The following TENM3 variants were observed in gnomAD, a reference collection of about 807,000 sequenced individuals.
TENM3 encodes the protein teneurin-3.
A neutral mutation model predicts 255.1 loss-of-function variants in TENM3; 63 were observed. The observed-to-expected ratio is 0.25, with a 90% CI of 0.20 to 0.30. The LOEUF is 0.30. Ranked by LOEUF, TENM3 falls within the 10% of genes least tolerant of loss-of-function variation. The pLI, the probability that TENM3 is intolerant of heterozygous loss-of-function variation, is 1.00. For synonymous variants in TENM3, 1,306 were observed against 1,322.3 expected, an observed-to-expected ratio of 0.99 and a Z score of 0.27; for missense variants, 2,929 against 3,461.1, an observed-to-expected ratio of 0.85 and a Z score of 3.86.
chr4:182,220,958 A>G (rs1251316827), intron 1 of TENM3, among the ~76,000 whole-genome samples: 2 of 152,214 alleles, frequency 1.3e-5, no homozygotes, highest in Non-Finnish European at 2.9e-5. Flanking sequence ...AGATATCTAC[A>G]TATCTTTTAG....
intron 3 of TENM3, among the ~76,000 whole-genome samples, chr4:182,425,078 G>GAGGA (rs1272772004): frequency 1.3e-5 from 2 of 152,116 alleles, no homozygotes; most frequent in Non-Finnish European, 2.9e-5. Flanking sequence ...TTGCATTTGT[G>GAGGA]ACTGGTATTA....
At chr4:182,764,687 G>T (rs1484944652) in intron 22 of TENM3, among the ~76,000 whole-genome samples, 2 of 152,194 alleles carry the variant, frequency 1.3e-5, no homozygotes, top group Non-Finnish European at 1.5e-5. Flanking sequence ...AGCATCGAAT[G>T]TGTGTGGGGA....
the TENM3 span, among the ~76,000 whole-genome samples, chr4:181,781,826 G>A: frequency 1.3e-5 from 2 of 152,288 alleles, no homozygotes; most frequent in African/African-American, 4.8e-5. Context: ...TTTTTAGCAT[G>A]AAGGGCTGTT....
At chr4:182,677,103 T>A (rs369248524) in intron 7 of TENM3, among the ~76,000 whole-genome samples, 20 of 152,362 alleles carry the variant, frequency 1.3e-4, no homozygotes, top group Admixed American at 6.5e-4. Context: ...TTATTAAGTA[T>A]TTTTATTCCT....
chr4:181,711,295 A>G, the TENM3 span, among the ~76,000 whole-genome samples: 2 of 151,896 alleles, frequency 1.3e-5, no homozygotes, highest in Non-Finnish European at 2.9e-5. Flanking sequence ...TGGTCAATAA[A>G]TCATATATCA....
the TENM3 span, among the ~76,000 whole-genome samples, chr4:181,541,691 C>T: frequency 2.0e-5 from 3 of 152,220 alleles, no homozygotes; most frequent in Non-Finnish European, 2.9e-5. Flanking sequence ...TAACTACGCT[C>T]TTTCCAGGAA....
the TENM3 span, among the ~76,000 whole-genome samples, chr4:182,088,217 A>G: frequency 3.9e-5 from 6 of 152,332 alleles, no homozygotes; most frequent in Admixed American, 3.3e-4. Flanking sequence ...TATATTTACA[A>G]ATGATTTTCA....
the TENM3 span, among the ~76,000 whole-genome samples, chr4:181,489,819 T>C: frequency 6.6e-6 from 1 of 152,336 alleles, no homozygotes; most frequent in South Asian, 2.1e-4. Flanking sequence ...TAGCTTGCAA[T>C]TTAGTAATTA....
At chr4:181,598,469 G>A in the TENM3 span, among the ~76,000 whole-genome samples, 8 of 151,978 alleles carry the variant, frequency 5.3e-5, no homozygotes, top group African/African-American at 1.9e-4. Context: ...CAGCTAAATA[G>A]AAGAAATGTT....
At chr4:182,442,839 TAC>T (rs1410260470) in intron 3 of TENM3, among the ~76,000 whole-genome samples, 4 of 73,696 alleles carry the variant, frequency 5.4e-5, no homozygotes, top group African/African-American at 2.1e-4. Context: ...TATACATACA[TAC>T]ATATATACAC....
chr4:181,591,661 C>A, the TENM3 span, among the ~76,000 whole-genome samples: 2 of 152,204 alleles, frequency 1.3e-5, no homozygotes, highest in East Asian at 3.9e-4. Context: ...CCCATCATTT[C>A]AGCCGGGGCA....
chr4:182,573,183 G>A (rs73006911), intron 3 of TENM3, among the ~76,000 whole-genome samples: 2,279 of 152,206 alleles, frequency 0.015, 48 homozygotes, highest in African/African-American at 0.052. Flanking sequence ...CTCCAGAGGC[G>A]TCACTTAGGT....
chr4:182,405,593 C>T (rs545112239), intron 3 of TENM3, among the ~76,000 whole-genome samples: 2 of 152,306 alleles, frequency 1.3e-5, no homozygotes, highest in African/African-American at 4.8e-5. Context: ...TCAGTGAGTA[C>T]TTGTGCTGTG....
the TENM3 span, among the ~76,000 whole-genome samples, chr4:182,051,122 T>A: frequency 6.6e-6 from 1 of 151,714 alleles, no homozygotes; most frequent in Non-Finnish European, 1.5e-5. Context: ...GGCAGGTGGA[T>A]CACCTGAGGT....
At position 182,603,900 on chromosome 4, in the gene TENM3, C is replaced by T. The variant is rs192460822; in HGVS notation, c.749+2739C>T. On this transcript the variant is annotated intron_variant, in intron 4 of 27. Coordinates refer to ENST00000511685, the MANE Select transcript of TENM3 (RefSeq NM_001080477.4). ...TAAATAAGAATCTCTATATTTTTCTCTTAGTTCCTCCCCCTTTTCTCTTTT... is the reference window on the plus strand; with the variant it reads ...TAAATAAGAATCTCTATATTTTTCTTTTAGTTCCTCCCCCTTTTCTCTTTT... 2.6e-4 allele frequency among the ~76,000 whole-genome samples: 39 copies of T among 151,854 alleles called. 1 individual carries two copies. The East Asian group carries it at 6.4e-3, about 25-fold the overall frequency.
chr4:182,547,502 G>T (rs912023383), intron 3 of TENM3, among the ~76,000 whole-genome samples: 1 of 151,972 alleles, frequency 6.6e-6, no homozygotes, highest in African/African-American at 2.4e-5. Flanking sequence ...TTTCATGTCA[G>T]CTTCTTCATC....
At chr4:182,150,260 A>C in intron 1 of TENM3, among the ~76,000 whole-genome samples, 1 of 151,910 alleles carries the variant, frequency 6.6e-6, no homozygotes, top group Non-Finnish European at 1.5e-5. Context: ...AGAGAGAGAA[A>C]GAGGAGAAAA....
chr4:181,567,304 C>T, the TENM3 span, among the ~76,000 whole-genome samples: 6 of 152,236 alleles, frequency 3.9e-5, no homozygotes, highest in East Asian at 5.8e-4. Flanking sequence ...ATTTATAATT[C>T]GTAAAATGAC....
intron 1 of TENM3, among the ~76,000 whole-genome samples, chr4:182,217,009 CTTTTTTTTTTTTTTTTTTTTTTT>C (rs3071526): frequency 1.5e-5 from 1 of 67,508 alleles, no homozygotes; most frequent in Non-Finnish European, 2.6e-5. Flanking sequence ...CATTTTCTTT[CTTTTTTTTTTTTTTTTTTTTTTT>C]TTTTTTTTGA....
Sources: allele counts gnomAD v4.1 joint callset (sites outside exome capture counted in the v4.1 genomes callset), GRCh38; gene constraint gnomAD v4.1.1; transcripts MANE v1.5; gene names NCBI Gene and HGNC (gene_info 2026-07-23, HGNC 2026-07-21).